SPEF2: variants seen among roughly 807,000 people sequenced by gnomAD.
SPEF2 encodes sperm flagella and cilia-associated protein 2.
In SPEF2, 187 loss-of-function variants were observed where a neutral mutation model predicts 224.6. That is an observed-to-expected ratio of 0.83 (90% CI 0.74 to 0.94). SPEF2 has a LOEUF of 0.94. Ranked by LOEUF, SPEF2 falls within the 40% of genes least tolerant of loss-of-function variation. SPEF2 has a pLI of 0.00. For missense variants in SPEF2, 2,170 were observed against 2,135.6 expected, an observed-to-expected ratio of 1.02 and a Z score of -0.32; for synonymous variants, 715 against 707.3, an observed-to-expected ratio of 1.01 and a Z score of -0.17.
intron 34 of SPEF2, among the ~76,000 whole-genome samples, chr5:35,801,872 G>T (rs189315216): frequency 1.3e-5 from 2 of 152,292 alleles, no homozygotes; most frequent in Non-Finnish European, 2.9e-5. Flanking sequence ...GTTTTGTTCT[G>T]CATCCCTGAA....
chr5:35,677,622 A>C (rs1218189987), intron 10 of SPEF2, among the ~76,000 whole-genome samples: 2 of 152,212 alleles, frequency 1.3e-5, no homozygotes, highest in African/African-American at 4.8e-5. Context: ...CCAGGGATAG[A>C]GAATGGAACA....
At chr5:35,780,652 CCCTCTT>C (rs1487999765) in intron 30 of SPEF2, among the ~76,000 whole-genome samples, 10 of 152,194 alleles carry the variant, frequency 6.6e-5, no homozygotes, top group African/African-American at 2.4e-4. Flanking sequence ...TTATGTACTT[CCCTCTT>C]CAGAGTTGCT....
chr5:35,759,528 G>A (rs1368290351), intron 24 of SPEF2, 40 bp from the exon 25 acceptor site: 3 of 1,498,606 alleles, frequency 2.0e-6, no homozygotes, highest in Non-Finnish European at 2.7e-6. Flanking sequence ...AGATCAGCTT[G>A]TTCTTTCTTG....
chr5:35,753,790 G>A (rs1327207169), intron 24 of SPEF2, 29 bp downstream of exon 24: 2 of 1,612,990 alleles, frequency 1.2e-6, no homozygotes, highest in Non-Finnish European at 8.5e-7. Flanking sequence ...AATAACCCAG[G>A]CACTTCCCTT....
chr5:35,800,866 C>T (rs1031992926), intron 34 of SPEF2, among the ~76,000 whole-genome samples: 65 of 152,100 alleles, frequency 4.3e-4, no homozygotes, highest in African/African-American at 1.5e-3. Flanking sequence ...GCTGCCCAGT[C>T]GAGACTCCTC....
At chr5:35,765,520 T>C (rs919610649) in intron 26 of SPEF2, among the ~76,000 whole-genome samples, 1 of 152,210 alleles carries the variant, frequency 6.6e-6, no homozygotes, top group African/African-American at 2.4e-5. Context: ...TCTTAGGTAG[T>C]GCTAAACCCT....
At chr5:35,713,151 T>G (rs770245179) in intron 20 of SPEF2, among the ~76,000 whole-genome samples, 1 of 152,194 alleles carries the variant, frequency 6.6e-6, no homozygotes, top group Non-Finnish European at 1.5e-5. Flanking sequence ...ATATTTTAGC[T>G]GTTATCCTTG....
intron 29 of SPEF2, among the ~76,000 whole-genome samples, chr5:35,777,188 C>G (rs939047070): frequency 1.3e-5 from 2 of 152,108 alleles, no homozygotes; most frequent in Non-Finnish European, 2.9e-5. Flanking sequence ...GGCAATTATT[C>G]TTAGAAGCAA....
At chr5:35,777,837 T>C (rs1380863220) in intron 29 of SPEF2, among the ~76,000 whole-genome samples, 1 of 152,148 alleles carries the variant, frequency 6.6e-6, no homozygotes, top group African/African-American at 2.4e-5. Flanking sequence ...AGTATCCTGA[T>C]GCCCAGTAAA....
At chr5:35,801,815 A>T (rs988885727) in intron 34 of SPEF2, among the ~76,000 whole-genome samples, 1 of 151,840 alleles carries the variant, frequency 6.6e-6, no homozygotes, top group South Asian at 2.1e-4. Flanking sequence ...TTCTCTCTAG[A>T]CTCTAAGCAC....
chr5:35,692,090 G>A (rs960115751), intron 11 of SPEF2, among the ~76,000 whole-genome samples: 2 of 151,918 alleles, frequency 1.3e-5, no homozygotes, highest in Non-Finnish European at 2.9e-5. Flanking sequence ...GAGCCACCGT[G>A]CCCAGCCTTA....
At chr5:35,654,821 C>T (rs1748737400) in intron 7 of SPEF2, 95 bp downstream of exon 7, 8 of 1,035,256 alleles carry the variant, frequency 7.7e-6, no homozygotes, top group Non-Finnish European at 1.1e-5. Flanking sequence ...TATGTATTGT[C>T]TGCTACTCTG....
rs192808584 is a variant in SPEF2 at position 35,709,644 on chromosome 5, T to C, written c.2839+523T>C. ...AGCTCCTGCCATCTCAGTAAACATA[T>C]ATTTATGGACACAGAGATAAAGAGC... On this transcript the variant is annotated intron_variant, in intron 19 of 36. Coordinates refer to ENST00000356031, the MANE Select transcript of SPEF2 (RefSeq NM_024867.4). 9.9e-6 allele frequency: 9 copies of C among 908,300 alleles called. No homozygotes were observed. The South Asian group carries it at 1.6e-4, about 16-fold the overall frequency. The allele number at this position is 908,300 out of a possible 1,614,324, so 56.3% of individuals were successfully genotyped here. A position where few individuals can be genotyped will look rare whatever the true frequency, so the allele number is the denominator to read the frequency against.
intron 23 of SPEF2, among the ~76,000 whole-genome samples, chr5:35,752,272 T>A (rs75939485): frequency 0.02 from 2,980 of 152,128 alleles, 123 homozygotes; most frequent in African/African-American, 0.069. Context: ...GCTCAACACA[T>A]AATAAATGTT....
chr5:35,711,479 G>A (rs1016272104), intron 19 of SPEF2, among the ~76,000 whole-genome samples: 2 of 152,028 alleles, frequency 1.3e-5, no homozygotes, highest in Non-Finnish European at 2.9e-5. Context: ...ATTATCAAAT[G>A]CAGTATCAAT....
intron 20 of SPEF2, among the ~76,000 whole-genome samples, chr5:35,724,727 G>GCAAAAAAGTACATGT (rs1321653416): frequency 1.3e-5 from 2 of 152,148 alleles, no homozygotes; most frequent in Non-Finnish European, 2.9e-5. Context: ...CTACTCATGT[G>GCAAAAAAGTACATGT]GCTATTATAA....
intron 30 of SPEF2, chr5:35,781,776 A>G (rs1754381619): frequency 1.3e-5 from 2 of 152,200 alleles, no homozygotes; most frequent in Admixed American, 1.3e-4. Context: ...GAAAAAATAT[A>G]TATTGCATAT....
chr5:35,800,114 A>G lies in SPEF2; in HGVS notation c.4977A>G (p.Gln1659=). Residue 1659 remains glutamine, a synonymous_variant, in exon 34 of 37, where the codon CAA becomes CAG. Transcript: ENST00000356031. ...TGGCTGTTGGAACTCATGTCTTCCA[A>G]CAAGTCAAAGCTTCCATTCCAAGTG... The part of the protein sequence containing the change: ...LSVAVGTHVF[Q]QVKASIPSAE... 2 of 1,614,194 alleles carry G rather than the reference A, an allele frequency of 1.2e-6. No homozygotes were observed. Among genetic ancestry groups the G allele is most frequent in the East Asian group, 2.2e-5 (1 of 44,876 alleles).
chr5:35,649,415 G>T lies in SPEF2; in HGVS notation c.781G>T (p.Ala261Ser). 6.2e-7 allele frequency: 1 copy of T among 1,611,154 alleles called. No individual in the cohort carries two copies. Among genetic ancestry groups the T allele is most frequent in the South Asian group, 1.1e-5 (1 of 90,480 alleles). Residue 261 changes from alanine to serine, a missense_variant, in exon 6 of 37, where the codon GCA becomes TCA. By Grantham distance (99) the Ala-to-Ser change is moderately conservative. Coordinates refer to ENST00000356031, the MANE Select transcript of SPEF2 (RefSeq NM_024867.4). The part of the protein sequence containing the change: ...FEALIKKDLQ[A>S]KESASKTSLD... ...AGCATTAATAAAAAAGGATCTCCAAGCAAAAGAAAGGTGAGATGTGAGCTA... is the reference window on the plus strand; with the variant it reads ...AGCATTAATAAAAAAGGATCTCCAATCAAAAGAAAGGTGAGATGTGAGCTA...
Sources: gnomAD v4.1 joint callset for allele counts (sites outside exome capture counted in the v4.1 genomes callset) on GRCh38, gnomAD v4.1.1 for gene constraint, MANE v1.5 for transcripts, NCBI Gene and HGNC (gene_info 2026-07-23, HGNC 2026-07-21) for gene names.